The following SWAP70 variants were observed in gnomAD, a reference collection of about 807,000 sequenced individuals.
SWAP70 encodes switch-associated protein 70.
SWAP70 carries 34 observed loss-of-function variants against 80.2 expected under a neutral mutation model. The ratio of observed to expected loss-of-function variants is 0.42; its 90% confidence interval spans 0.32 to 0.56. SWAP70 has a LOEUF of 0.56. Ranked by LOEUF, SWAP70 falls within the 20% of genes least tolerant of loss-of-function variation. The pLI is 0.09. For synonymous variants in SWAP70, 239 were observed against 238.5 expected (o/e 1.00, Z -0.02); for missense variants, 578 against 690.7 (o/e 0.84, Z 1.83).
At chr11:9,670,079 A>G (rs1850356402) in intron 1 of SWAP70, among the ~76,000 whole-genome samples, 1 of 152,190 alleles carries the variant, frequency 6.6e-6, no homozygotes, top group Non-Finnish European at 1.5e-5. Context: ...GTGAGCCGAT[A>G]TCTCACCCTG....
At chr11:9,688,598 A>T (rs1264092362) in intron 1 of SWAP70, among the ~76,000 whole-genome samples, 1 of 152,150 alleles carries the variant, frequency 6.6e-6, no homozygotes, top group Non-Finnish European at 1.5e-5. Flanking sequence ...TACAACTCAC[A>T]TATTTCCTTA....
intron 1 of SWAP70, among the ~76,000 whole-genome samples, chr11:9,671,517 TATATAA>T (rs1333664818): frequency 5.9e-5 from 4 of 68,136 alleles, no homozygotes; most frequent in South Asian, 7.3e-4. Context: ...TATAAATATA[TATATAA>T]ATATATAAAT....
Position 9,747,971 on chromosome 11 carries a change from T to C in SWAP70, c.1469T>C (p.Val490Ala). Reference sequence around the variant, plus strand: ...AAGCAGGAGTTGGAGAATCAGCGTGTCCTGAAGGAACAGGCCCTGCAGGAG... The same window carrying C: ...AAGCAGGAGTTGGAGAATCAGCGTGCCCTGAAGGAACAGGCCCTGCAGGAG... ...AEKQELENQR[V>A]LKEQALQEAM... Residue 490 changes from valine (V) to alanine (A), a missense_variant, in exon 10 of 12, where the codon GTC becomes GCC. By Grantham distance (64) the Val-to-Ala change is moderately conservative. Transcript: ENST00000318950. The C allele has an allele frequency of 6.2e-7, 1 of 1,614,100 alleles. No individual in the cohort carries two copies. The highest frequency in any genetic ancestry group is 8.5e-7 in the Non-Finnish European group (1 of 1,180,006).
At chr11:9,742,102 A>C (rs1252728879) in intron 9 of SWAP70, 1 of 152,036 alleles carries the variant, frequency 6.6e-6, no homozygotes, top group Non-Finnish European at 1.5e-5. Context: ...CAACGGCAAA[A>C]AACTCCAGCT....
chr11:9,739,955 C>A lies in SWAP70; in HGVS notation c.1189-226C>A, dbSNP rs574653574. Among the ~76,000 whole-genome samples the A allele has an allele frequency of 9.9e-4, 151 of 152,210 alleles. 1 individual carries two copies. Among genetic ancestry groups the A allele is most frequent in the African/African-American group, 3.5e-3 (145 of 41,536 alleles). On this transcript the variant is annotated intron_variant, in intron 8 of 11. Coordinates refer to ENST00000318950, the MANE Select transcript of SWAP70 (RefSeq NM_015055.4). ...GGAAGGGATGGAAAATACAGCAGGG[C>A]AGAACATAATTTGGGTTATAATTTG...
chr11:9,676,472 T>C (rs2134427426), intron 1 of SWAP70, among the ~76,000 whole-genome samples: 1 of 152,296 alleles, frequency 6.6e-6, no homozygotes, highest in Middle Eastern at 3.4e-3. Context: ...GACTCTTATA[T>C]AAAATGGCAT....
At chr11:9,667,249 TGAGAGAGAGA>T in intron 1 of SWAP70, among the ~76,000 whole-genome samples, 1 of 151,672 alleles carries the variant, frequency 6.6e-6, no homozygotes, top group African/African-American at 2.4e-5. Flanking sequence ...TGTGTGTGTG[TGAGAGAGAGA>T]GAGAGAGAGA....
At position 9,695,281 on chromosome 11, in the gene SWAP70, C is replaced by T. The variant is rs189994969; in HGVS notation, c.240+995C>T. Among the ~76,000 whole-genome samples, 529 of 148,180 alleles carry T rather than the reference C, an allele frequency of 3.6e-3. 1 individual carries two copies. Among genetic ancestry groups the T allele is most frequent in the Non-Finnish European group, 5.3e-3 (360 of 67,430 alleles). Reference sequence around the variant, plus strand: ...TGCATTCCAGCCTGGGCATCAAGAGCGAAAATCCGTGTCAGAAAAAAAAAA... The same window carrying T: ...TGCATTCCAGCCTGGGCATCAAGAGTGAAAATCCGTGTCAGAAAAAAAAAA... On this transcript the variant is annotated intron_variant, in intron 2 of 11. Coordinates refer to ENST00000318950, the MANE Select transcript of SWAP70 (RefSeq NM_015055.4).
chr11:9,744,087 T>C (rs976200689), intron 9 of SWAP70, among the ~76,000 whole-genome samples: 1 of 151,808 alleles, frequency 6.6e-6, no homozygotes, highest in Non-Finnish European at 1.5e-5. Flanking sequence ...CTCAGCCTCC[T>C]GAGCAGCTGG....
intron 3 of SWAP70, among the ~76,000 whole-genome samples, chr11:9,724,328 T>C (rs1564828881): frequency 1.3e-5 from 2 of 152,234 alleles, no homozygotes; most frequent in African/African-American, 4.8e-5. Flanking sequence ...TTCTGATATA[T>C]TGAAATATTT....
At chr11:9,721,063 G>A (rs942112723) in intron 3 of SWAP70, among the ~76,000 whole-genome samples, 3 of 152,186 alleles carry the variant, frequency 2.0e-5, no homozygotes, top group Non-Finnish European at 2.9e-5. Flanking sequence ...TGATCTGCCC[G>A]CCTTGGCCTC....
intron 2 of SWAP70, among the ~76,000 whole-genome samples, chr11:9,697,458 T>G (rs1342806093): frequency 1.3e-5 from 2 of 152,082 alleles, no homozygotes; most frequent in Non-Finnish European, 2.9e-5. Flanking sequence ...ATTTTTTGTA[T>G]TTTTAGTAGA....
intron 2 of SWAP70, among the ~76,000 whole-genome samples, chr11:9,711,899 C>A (rs1210794256): frequency 2.0e-5 from 3 of 152,166 alleles, no homozygotes; most frequent in Non-Finnish European, 4.4e-5. Context: ...GTTATACCAC[C>A]CTCCAGCACC....
chr11:9,670,895 A>G (rs1468544544), intron 1 of SWAP70, among the ~76,000 whole-genome samples: 1 of 151,278 alleles, frequency 6.6e-6, no homozygotes, highest in Non-Finnish European at 1.5e-5. Context: ...CTGGGATTAC[A>G]GGTGCCTGCC....
chr11:9,703,923 G>T (rs1235925880), intron 2 of SWAP70, among the ~76,000 whole-genome samples: 1 of 152,188 alleles, frequency 6.6e-6, no homozygotes, highest in Non-Finnish European at 1.5e-5. Context: ...AAATGTATAT[G>T]TAGTTATATG....
chr11:9,742,935 C>T (rs987623906), intron 9 of SWAP70, among the ~76,000 whole-genome samples: 1 of 146,610 alleles, frequency 6.8e-6, no homozygotes, highest in Non-Finnish European at 1.5e-5. Context: ...TTTTAGGGTA[C>T]ATGTGCACAA....
intron 8 of SWAP70, among the ~76,000 whole-genome samples, chr11:9,739,439 T>A (rs772078373): frequency 5.9e-5 from 9 of 152,242 alleles, no homozygotes; most frequent in Non-Finnish European, 1.0e-4. Flanking sequence ...ACATTGGCTT[T>A]TTCTTCTTTA....
chr11:9,744,578 G>A (rs553433426), intron 9 of SWAP70, among the ~76,000 whole-genome samples: 8 of 152,250 alleles, frequency 5.3e-5, no homozygotes, highest in African/African-American at 1.9e-4. Context: ...TTCTGAATGA[G>A]AACTCAGAAG....
chr11:9,736,819 T>C (rs892502172), intron 7 of SWAP70, among the ~76,000 whole-genome samples: 4 of 152,232 alleles, frequency 2.6e-5, no homozygotes, highest in Admixed American at 2.6e-4. Context: ...ATCATTTAAA[T>C]TCAGGCCTAC....
Sources: allele counts gnomAD v4.1 joint callset (sites outside exome capture counted in the v4.1 genomes callset), GRCh38; gene constraint gnomAD v4.1.1; transcripts MANE v1.5; gene names NCBI Gene and HGNC (gene_info 2026-07-23, HGNC 2026-07-21).